Variants in MAGI2 observed in about 807,000 individuals in gnomAD.
MAGI2 encodes the protein membrane-associated guanylate kinase, WW and PDZ domain-containing protein 2.
Under a neutral mutation model 133.3 loss-of-function variants are expected in MAGI2, and 35 were observed. The ratio of observed to expected loss-of-function variants is 0.26; its 90% CI spans 0.20 to 0.35. MAGI2 has a LOEUF of 0.35. Ranked by LOEUF, MAGI2 falls within the 10% of genes least tolerant of loss-of-function variation. The probability of loss-of-function intolerance (pLI) is 1.00; values close to 1 mark genes in which losing one functional copy is unlikely to be tolerated. For missense variants in MAGI2, 1,636 were observed against 1,863.4 expected (o/e 0.88, Z 2.25); for synonymous variants, 729 against 710.6 (o/e 1.03, Z -0.41).
intron 21 of MAGI2, among the ~76,000 whole-genome samples, chr7:78,072,380 T>G (rs1259828629): frequency 6.6e-6 from 1 of 152,252 alleles, no homozygotes; most frequent in African/African-American, 2.4e-5. Context: ...GAGTCACTAC[T>G]CTGCTAAAAA....
rs1802073622 is a variant in MAGI2, at chr7:78,953,944, G to T, written c.418+53146C>A. Among the ~76,000 whole-genome samples, 3 of 152,132 alleles carry T rather than the reference G, an allele frequency of 2.0e-5. No individual in the cohort carries two copies. The South Asian group carries it at 6.2e-4, about 31-fold the overall frequency. On this transcript the variant is annotated intron_variant, in intron 2 of 21. Coordinates refer to ENST00000354212, the MANE Select transcript of MAGI2 (RefSeq NM_012301.4). Reference sequence around the variant, plus strand: ...TAAATGTTTGAGGATGACTCATAGTGTTGAGGGGCTATGCTAGATCTAAAA... The same window carrying T: ...TAAATGTTTGAGGATGACTCATAGTTTTGAGGGGCTATGCTAGATCTAAAA...
At chr7:78,097,916 G>A (rs1363303195) in intron 20 of MAGI2, among the ~76,000 whole-genome samples, 1 of 152,124 alleles carries the variant, frequency 6.6e-6, no homozygotes, top group Non-Finnish European at 1.5e-5. Flanking sequence ...TAATAGACCT[G>A]TGGGTAGGGT....
chr7:78,821,215 T>G (rs913598084), intron 2 of MAGI2, among the ~76,000 whole-genome samples: 4 of 152,056 alleles, frequency 2.6e-5, no homozygotes, highest in African/African-American at 9.6e-5. Context: ...ATGAGATATG[T>G]TACGAAGAGT....
At chr7:78,972,960 C>T (rs936996964) in intron 2 of MAGI2, among the ~76,000 whole-genome samples, 8 of 151,732 alleles carry the variant, frequency 5.3e-5, no homozygotes, top group African/African-American at 1.7e-4. Context: ...CACACACACA[C>T]ACACACACAC....
chr7:78,191,529 G>C (rs1828211893), intron 12 of MAGI2, among the ~76,000 whole-genome samples: 1 of 152,152 alleles, frequency 6.6e-6, no homozygotes, highest in African/African-American at 2.4e-5. Flanking sequence ...TTCTCTTGTG[G>C]AGTGCCTTGC....
Position 78,540,884 on chromosome 7 carries a change from C to T in MAGI2, c.539-19239G>A, listed in dbSNP as rs1355026899. Among the ~76,000 whole-genome samples the T allele has an allele frequency of 2.6e-5, 4 of 152,330 alleles. No individual in the cohort carries two copies. In the East Asian group the frequency reaches 5.8e-4, roughly 22 times the overall value. ...TGATCTGGATTTTCGGGTTCCCCAGCGAGATGTGTGTTTGGAGGCAGACTT... is the reference window on the plus strand; with the variant it reads ...TGATCTGGATTTTCGGGTTCCCCAGTGAGATGTGTGTTTGGAGGCAGACTT... On this transcript the variant is annotated intron_variant, in intron 3 of 21. Transcript: ENST00000354212.
intron 4 of MAGI2, among the ~76,000 whole-genome samples, chr7:78,519,402 C>T (rs181998924): frequency 4.6e-5 from 7 of 152,180 alleles, no homozygotes; most frequent in Non-Finnish European, 8.8e-5. Flanking sequence ...GAAAGAAAAG[C>T]ACAGTATAAG....
At chr7:78,754,989 T>C (rs1823806125) in intron 2 of MAGI2, among the ~76,000 whole-genome samples, 1 of 152,214 alleles carries the variant, frequency 6.6e-6, no homozygotes, top group African/African-American at 2.4e-5. Context: ...ACGGATGGTC[T>C]CTATTATGAA....
At chr7:78,999,730 C>G (rs981838206) in intron 2 of MAGI2, among the ~76,000 whole-genome samples, 2 of 152,166 alleles carry the variant, frequency 1.3e-5, no homozygotes, top group Non-Finnish European at 2.9e-5. Context: ...TTCCCTTGGT[C>G]TAGCCTCCCA....
intron 1 of MAGI2, among the ~76,000 whole-genome samples, chr7:79,263,810 G>A (rs1382948195): frequency 6.6e-6 from 1 of 152,030 alleles, no homozygotes; most frequent in African/African-American, 2.4e-5. Context: ...AAAATTAATT[G>A]TATAGTAGCC....
At chr7:79,084,054 T>C (rs933089970) in intron 1 of MAGI2, among the ~76,000 whole-genome samples, 11 of 151,624 alleles carry the variant, frequency 7.3e-5, no homozygotes, top group African/African-American at 2.7e-4. Context: ...TCTTTCTTAG[T>C]CAGTTTACTT....
chr7:78,829,048 T>C (rs1327224677), intron 2 of MAGI2, among the ~76,000 whole-genome samples: 1 of 152,124 alleles, frequency 6.6e-6, no homozygotes, highest in Non-Finnish European at 1.5e-5. Context: ...AATTTATTAA[T>C]CTCAACAAAG....
chr7:78,743,987 G>T (rs1822678725), intron 2 of MAGI2, among the ~76,000 whole-genome samples: 1 of 151,760 alleles, frequency 6.6e-6, no homozygotes, highest in South Asian at 2.1e-4. Context: ...ATTTATTTTT[G>T]TCAATCTAAA....
chr7:78,035,640 A>G (rs1810134104), intron 21 of MAGI2, among the ~76,000 whole-genome samples: 2 of 152,156 alleles, frequency 1.3e-5, no homozygotes, highest in East Asian at 3.9e-4. Context: ...ATGTTACAGC[A>G]TCATCCTATC....
chr7:79,422,750 T>A (rs930431349), intron 1 of MAGI2, among the ~76,000 whole-genome samples: 1 of 152,020 alleles, frequency 6.6e-6, no homozygotes, highest in Admixed American at 6.6e-5. Context: ...AGGTTCCCAG[T>A]GTGCAAAAAC....
At position 79,450,400 on chromosome 7, in the gene MAGI2, T is replaced by C. The variant is rs73381349; in HGVS notation, c.301+2620A>G. Among the ~76,000 whole-genome samples the C allele has an allele frequency of 2.2e-3, 334 of 152,254 alleles. 2 individuals are homozygous for C. The highest frequency in any genetic ancestry group is 7.7e-3 in the African/African-American group (319 of 41,548). Reference sequence around the variant, plus strand: ...TATGATTTGACGAGGAAAAGAATTATTAGAATAGCAACATGAATCATATTT... The same window carrying C: ...TATGATTTGACGAGGAAAAGAATTACTAGAATAGCAACATGAATCATATTT... On this transcript the variant is annotated intron_variant, in intron 1 of 21. Coordinates refer to ENST00000354212, the MANE Select transcript of MAGI2 (RefSeq NM_012301.4).
intron 1 of MAGI2, among the ~76,000 whole-genome samples, chr7:79,185,327 G>A (rs7783481): frequency 0.13 from 19,540 of 151,638 alleles, 2,577 homozygotes; most frequent in African/African-American, 0.32. Context: ...AAGAAAAACC[G>A]CATCTCTATT....
At chr7:78,353,665 A>C (rs1410182797) in intron 7 of MAGI2, among the ~76,000 whole-genome samples, 1 of 152,236 alleles carries the variant, frequency 6.6e-6, no homozygotes, top group Non-Finnish European at 1.5e-5. Context: ...ACATGTAAAC[A>C]GACTGTAGAA....
At chr7:78,352,636 A>C (rs1791637184) in intron 7 of MAGI2, among the ~76,000 whole-genome samples, 1 of 152,200 alleles carries the variant, frequency 6.6e-6, no homozygotes, top group Non-Finnish European at 1.5e-5. Context: ...TATGTTGGGG[A>C]TATAGTATCC....
Sources: gnomAD v4.1 joint callset for allele counts (sites outside exome capture counted in the v4.1 genomes callset) on GRCh38, gnomAD v4.1.1 for gene constraint, MANE v1.5 for transcripts, NCBI Gene and HGNC (gene_info 2026-07-23, HGNC 2026-07-21) for gene names.